The following TEX26 variants were observed in gnomAD, a reference collection of about 807,000 sequenced individuals.
TEX26 encodes testis-expressed protein 26.
In TEX26, 34 loss-of-function variants were observed where a neutral mutation model predicts 35.3. That is an observed-to-expected ratio of 0.96 (90% CI 0.73 to 1.28). TEX26 has a LOEUF of 1.28. Ranked by LOEUF, TEX26 falls within the 50% of genes most tolerant of loss-of-function variation. TEX26 has a pLI of 0.00. For synonymous variants in TEX26, 136 were observed against 111.8 expected, an observed-to-expected ratio of 1.22 and a Z score of -1.36; for missense variants, 371 against 330.1, an observed-to-expected ratio of 1.12 and a Z score of -0.96.
At chr13:30,939,597 GT>G in intron 1 of TEX26, 96 bp from the exon 2 acceptor site, 2 of 1,109,142 alleles carry the variant, frequency 1.8e-6, no homozygotes, top group East Asian at 2.5e-5. Context: ...CATCCAAAAT[GT>G]TTTTTTCTCT....
At chr13:30,966,198 C>A (rs377640903) in intron 4 of TEX26, 24 bp from the exon 5 acceptor site, 1 of 1,613,410 alleles carries the variant, frequency 6.2e-7, no homozygotes, top group Non-Finnish European at 8.5e-7. Context: ...GTAAGTATTG[C>A]CTTCCATTTC....
chr13:30,961,123 G>T (rs773256055), intron 4 of TEX26, among the ~76,000 whole-genome samples: 3 of 152,140 alleles, frequency 2.0e-5, no homozygotes, highest in Non-Finnish European at 4.4e-5. Flanking sequence ...AGAAGCAAGG[G>T]GTTGGGATCT....
At chr13:30,948,796 T>C (rs543133980) in intron 2 of TEX26, among the ~76,000 whole-genome samples, 3 of 152,254 alleles carry the variant, frequency 2.0e-5, no homozygotes, top group Non-Finnish European at 4.4e-5. Context: ...TTTGGTGTTT[T>C]AGACATGAAG....
intron 5 of TEX26, among the ~76,000 whole-genome samples, chr13:30,967,885 A>G (rs1404039130): frequency 6.6e-6 from 1 of 152,206 alleles, no homozygotes; most frequent in Non-Finnish European, 1.5e-5. Context: ...CGATGACTGT[A>G]AACACCATCG....
chr13:30,947,649 C>T (rs1311559264), intron 2 of TEX26, among the ~76,000 whole-genome samples: 2 of 152,124 alleles, frequency 1.3e-5, no homozygotes, highest in Non-Finnish European at 2.9e-5. Context: ...ACCTGTTACT[C>T]TTTCACTTGG....
intron 3 of TEX26, among the ~76,000 whole-genome samples, chr13:30,956,303 A>G (rs1282442643): frequency 6.6e-6 from 1 of 151,478 alleles, no homozygotes; most frequent in Non-Finnish European, 1.5e-5. Context: ...GCTGAGAATG[A>G]TGGTTTCCAG....
At chr13:30,971,053 G>C (rs1272774591) in intron 6 of TEX26, among the ~76,000 whole-genome samples, 2 of 152,312 alleles carry the variant, frequency 1.3e-5, no homozygotes, top group East Asian at 3.9e-4. Context: ...CCTCTTTGGG[G>C]CTGCCTTGGG....
chr13:30,968,240 A>G (rs995154246), intron 5 of TEX26, among the ~76,000 whole-genome samples: 1 of 152,196 alleles, frequency 6.6e-6, no homozygotes, highest in Non-Finnish European at 1.5e-5. Context: ...AGAGCTGGCT[A>G]AACAGGTTAT....
intron 1 of TEX26, chr13:30,936,641 T>C (rs1953282618): frequency 1.6e-5 from 16 of 974,910 alleles, no homozygotes; most frequent in Middle Eastern, 5.2e-4. Context: ...ACATAGCTCA[T>C]CTCTTGGCCT....
intron 2 of TEX26, among the ~76,000 whole-genome samples, chr13:30,948,329 T>C (rs574787334): frequency 6.6e-6 from 1 of 152,358 alleles, no homozygotes; most frequent in African/African-American, 2.4e-5. Context: ...ACTTCCACAA[T>C]GGTTGAACTA....
intron 4 of TEX26, among the ~76,000 whole-genome samples, chr13:30,963,303 G>T (rs1220405496): frequency 6.6e-6 from 1 of 152,124 alleles, no homozygotes; most frequent in Non-Finnish European, 1.5e-5. Context: ...CAGGAACCCT[G>T]GGGGGAGGCG....
At chr13:30,946,506 T>C (rs563215983) in intron 2 of TEX26, among the ~76,000 whole-genome samples, 1 of 152,136 alleles carries the variant, frequency 6.6e-6, no homozygotes, top group East Asian at 1.9e-4. Flanking sequence ...TTGGGGATGT[T>C]ATAGAACCTT....
chr13:30,937,229 C>T lies in TEX26; in HGVS notation c.62-2465C>T, dbSNP rs182294320. Reference sequence around the variant, plus strand: ...TCCAGGCACCTGGCAATTGGTGACCCCAGCTGCCAAACTATCTTCAGAAGG... The same window carrying T: ...TCCAGGCACCTGGCAATTGGTGACCTCAGCTGCCAAACTATCTTCAGAAGG... On this transcript the variant is annotated intron_variant, in intron 1 of 6. Transcript: ENST00000380473. Among the ~76,000 whole-genome samples the T allele has an allele frequency of 2.0e-5, 3 of 152,170 alleles. No individual in the cohort carries two copies. The East Asian group carries it at 5.8e-4, about 30-fold the overall frequency.
intron 3 of TEX26, among the ~76,000 whole-genome samples, chr13:30,955,114 A>AAGG (rs1199499308): frequency 6.6e-6 from 1 of 151,928 alleles, no homozygotes; most frequent in Non-Finnish European, 1.5e-5. Flanking sequence ...GCCACAGTGG[A>AAGG]AGAAGAATTG....
intron 2 of TEX26, 74 bp downstream of exon 2, chr13:30,939,852 A>C (rs924689241): frequency 1.5e-6 from 2 of 1,326,494 alleles, no homozygotes; most frequent in African/African-American, 2.9e-5. Flanking sequence ...TCAGAATCCA[A>C]ACACATAGAC....
chr13:30,932,980 G>T (rs897456028), intron 1 of TEX26: 6 of 508,322 alleles, frequency 1.2e-5, no homozygotes, highest in African/African-American at 1.9e-5. Context: ...CATAACCTTT[G>T]CCAAATCCCC....
chr13:30,962,518 G>T (rs1035748635), intron 4 of TEX26, among the ~76,000 whole-genome samples: 1 of 152,166 alleles, frequency 6.6e-6, no homozygotes, highest in Non-Finnish European at 1.5e-5. Flanking sequence ...AGCCTTCTTT[G>T]ATCCTCCACC....
Position 30,969,041 on chromosome 13 carries a change from A to T in TEX26, c.803A>T (p.Tyr268Phe), listed in dbSNP as rs762670922. 1.9e-6 allele frequency: 3 copies of T among 1,612,438 alleles called. No homozygotes were observed. The highest frequency in any genetic ancestry group is 2.7e-5 in the African/African-American group (2 of 74,910). The change falls in exon 6 of 7, where the codon TAC becomes TTC. Residue 268 changes from tyrosine to phenylalanine, a missense_variant. Physicochemically the swap from Tyr to Phe is conservative, Grantham distance 22. Transcript: ENST00000380473. ...AAAGAGTACCTTCAGAGTCTTTCCT[A>T]CAAAGGTAAGATGAGGTCTTATTTC... is the stretch of plus-strand genomic sequence containing the variant. The part of the protein sequence containing the change: ...QVKEYLQSLS[Y>F]KDRQIIDRFI...
intron 2 of TEX26, among the ~76,000 whole-genome samples, chr13:30,952,001 A>ATTTTTTTTTTTTTTTT (rs751918742): frequency 1.4e-4 from 7 of 50,712 alleles, no homozygotes; most frequent in East Asian, 1.3e-3. Context: ...TTATTCTGGG[A>ATTTTTTTTTTTTTTTT]TTTTTTTTTT....
Sources: gnomAD v4.1 joint callset for allele counts (sites outside exome capture counted in the v4.1 genomes callset) on GRCh38, gnomAD v4.1.1 for gene constraint, MANE v1.5 for transcripts, NCBI Gene and HGNC (gene_info 2026-07-23, HGNC 2026-07-21) for gene names.